Variants in CADM2 observed in about 807,000 individuals in gnomAD.
CADM2 encodes the protein cell adhesion molecule 2.
A neutral mutation model predicts 49.8 loss-of-function variants in CADM2; 12 were observed. The ratio of observed to expected loss-of-function variants is 0.24; its 90% CI spans 0.15 to 0.39. The LOEUF is 0.39. Among genes scored for constraint, CADM2 ranks in the 10% least tolerant of loss-of-function variants. The pLI, the probability that CADM2 is intolerant of heterozygous loss-of-function variation, is 1.00. For synonymous variants in CADM2, 214 were observed against 175.4 expected, an observed-to-expected ratio of 1.22 and a Z score of -1.74; for missense variants, 378 against 492.3, an observed-to-expected ratio of 0.77 and a Z score of 2.20.
chr3:85,054,393 T>C lies in CADM2; in HGVS notation c.61+94725T>C, dbSNP rs150565356. ...ACTTCAATGAACTGAGAAATAATTC[T>C]GGAAATATGATTGGGGGATCTATGA... On this transcript the variant is annotated intron_variant, in intron 1 of 9. Transcript: ENST00000383699. Among the ~76,000 whole-genome samples the C allele has an allele frequency of 1.3e-3, 192 of 151,974 alleles. 1 individual carries two copies. The highest frequency in any genetic ancestry group is 4.3e-3 in the African/African-American group (179 of 41,554).
rs11329456 is a variant in CADM2, at chr3:85,175,919, CTTTTTTTTTTTT to C, written c.61+216267_61+216278del. On this transcript the variant is annotated intron_variant, in intron 1 of 9. Transcript: ENST00000383699. ...CAGTTTATCTGAGTTATGTCCTAATCTTTTTTTTTTTTTTTTTTTTTTTTTTTGAGACGGAGT... is the reference window on the plus strand; with the variant it reads ...CAGTTTATCTGAGTTATGTCCTAATCTTTTTTTTTTTTTTTGAGACGGAGT... Among the ~76,000 whole-genome samples the C allele has an allele frequency of 2.8e-4, 21 of 76,264 alleles. No individual in the cohort carries two copies. In the East Asian group the frequency reaches 3.3e-3, roughly 12 times the overall value. 50.0% of individuals were successfully genotyped at this position (76,264 alleles called of 152,430 possible).
At chr3:85,144,620 A>AAAG (rs1553688090) in intron 1 of CADM2, among the ~76,000 whole-genome samples, 9 of 136,380 alleles carry the variant, frequency 6.6e-5, no homozygotes, top group Middle Eastern at 3.8e-3. Flanking sequence ...TCAAAAAAAA[A>AAAG]AAAGAAAGAA....
intron 1 of CADM2, among the ~76,000 whole-genome samples, chr3:85,600,876 G>A (rs773536256): frequency 1.3e-5 from 2 of 150,990 alleles, no homozygotes; most frequent in Non-Finnish European, 3.0e-5. Context: ...AAGGAATGGA[G>A]GGGTAGTTAG....
At chr3:85,814,923 A>G (rs1470500867) in intron 3 of CADM2, among the ~76,000 whole-genome samples, 1 of 151,948 alleles carries the variant, frequency 6.6e-6, no homozygotes, top group East Asian at 1.9e-4. Context: ...TATTCTATAG[A>G]ATACTATAGA....
intron 1 of CADM2, among the ~76,000 whole-genome samples, chr3:85,074,236 T>A (rs2036860923): frequency 6.6e-6 from 1 of 152,088 alleles, no homozygotes; most frequent in Non-Finnish European, 1.5e-5. Context: ...TTGTACTATT[T>A]CCTTTGCCTA....
chr3:85,484,240 A>C (rs1254540170), intron 1 of CADM2, among the ~76,000 whole-genome samples: 1 of 151,960 alleles, frequency 6.6e-6, no homozygotes. Flanking sequence ...CAGTGATCCC[A>C]AAGGGACAAT....
At chr3:85,335,806 T>C (rs531987559) in intron 1 of CADM2, among the ~76,000 whole-genome samples, 1 of 151,618 alleles carries the variant, frequency 6.6e-6, no homozygotes, top group South Asian at 2.1e-4. Context: ...AACTATCTGG[T>C]ACATGTCTTT....
chr3:85,509,610 G>A (rs2040518993), intron 1 of CADM2, among the ~76,000 whole-genome samples: 2 of 151,998 alleles, frequency 1.3e-5, no homozygotes, highest in Non-Finnish European at 2.9e-5. Context: ...CCATCCATGA[G>A]GGCAGTGATG....
chr3:85,163,006 G>A (rs2040373438), intron 1 of CADM2, among the ~76,000 whole-genome samples: 1 of 151,748 alleles, frequency 6.6e-6, no homozygotes, highest in Non-Finnish European at 1.5e-5. Flanking sequence ...ATAAACAAAT[G>A]GAAATTCAAG....
At chr3:85,187,135 T>A (rs2041083781) in intron 1 of CADM2, among the ~76,000 whole-genome samples, 1 of 152,176 alleles carries the variant, frequency 6.6e-6, no homozygotes, top group African/African-American at 2.4e-5. Context: ...GGATTTACAT[T>A]GTTCAATATC....
intron 1 of CADM2, among the ~76,000 whole-genome samples, chr3:85,032,252 G>A (rs1269945520): frequency 6.6e-6 from 1 of 151,238 alleles, no homozygotes; most frequent in Non-Finnish European, 1.5e-5. Context: ...AAATTGGAAA[G>A]GATGACCTGG....
chr3:85,877,293 A>C (rs934674036), intron 3 of CADM2, among the ~76,000 whole-genome samples: 1 of 152,096 alleles, frequency 6.6e-6, no homozygotes, highest in Admixed American at 6.6e-5. Flanking sequence ...TAATGTTTTA[A>C]AATATTTTTA....
intron 3 of CADM2, among the ~76,000 whole-genome samples, chr3:85,852,768 T>G (rs1320105020): frequency 6.6e-6 from 1 of 152,062 alleles, no homozygotes; most frequent in Non-Finnish European, 1.5e-5. Flanking sequence ...TTGCACATAT[T>G]TGAACAGAAC....
intron 1 of CADM2, among the ~76,000 whole-genome samples, chr3:85,084,101 T>C (rs1441888056): frequency 1.3e-5 from 2 of 152,174 alleles, no homozygotes; most frequent in Non-Finnish European, 2.9e-5. Context: ...TCGCTCCTTC[T>C]GTGACTGGTC....
chr3:85,434,637 G>A (rs1364578013), intron 1 of CADM2, among the ~76,000 whole-genome samples: 1 of 151,874 alleles, frequency 6.6e-6, no homozygotes, highest in Non-Finnish European at 1.5e-5. Context: ...TCTTTAGTCT[G>A]CTTTTAAAGA....
At chr3:85,372,365 A>G (rs186588027) in intron 1 of CADM2, among the ~76,000 whole-genome samples, 23 of 145,312 alleles carry the variant, frequency 1.6e-4, no homozygotes, top group South Asian at 4.2e-4. Context: ...GTGTGTGTGT[A>G]TATATATATG....
rs528296591 is a variant in CADM2 at position 85,273,296 on chromosome 3, C to T, written c.61+313628C>T. Among the ~76,000 whole-genome samples, 11 of 151,330 alleles carry T rather than the reference C, an allele frequency of 7.3e-5. No individual in the cohort carries two copies. The South Asian group carries it at 2.3e-3, about 31-fold the overall frequency. Reference sequence around the variant, plus strand: ...ACAGACAGACCTCTGAGTGGTTATTCTGGATGAGGTGGGAAGGCAGTGGAA... The same window carrying T: ...ACAGACAGACCTCTGAGTGGTTATTTTGGATGAGGTGGGAAGGCAGTGGAA... On this transcript the variant is annotated intron_variant, in intron 1 of 9. Coordinates refer to ENST00000383699, the MANE Select transcript of CADM2 (RefSeq NM_001167675.2).
chr3:85,765,901 G>A (rs1341112899), intron 2 of CADM2, among the ~76,000 whole-genome samples: 2 of 152,030 alleles, frequency 1.3e-5, no homozygotes, highest in Non-Finnish European at 2.9e-5. Flanking sequence ...TTTTCCAACA[G>A]AGTGCTCAGA....
At chr3:85,994,295 T>G (rs747723186) in intron 8 of CADM2, 3 of 152,210 alleles carry the variant, frequency 2.0e-5, no homozygotes, top group Non-Finnish European at 2.9e-5. Flanking sequence ...TTCAGACTTT[T>G]TTTCTGCAGC....
Sources: allele counts gnomAD v4.1 joint callset (sites outside exome capture counted in the v4.1 genomes callset), GRCh38; gene constraint gnomAD v4.1.1; transcripts MANE v1.5; gene names NCBI Gene and HGNC (gene_info 2026-07-23, HGNC 2026-07-21).